SORCS3: variants seen among roughly 807,000 people sequenced by gnomAD.
The protein encoded by SORCS3 is VPS10 domain-containing receptor SorCS3.
SORCS3 carries 57 observed loss-of-function variants against 146.3 expected under a neutral mutation model. The observed-to-expected ratio is 0.39, with a 90% CI of 0.31 to 0.49. SORCS3 has a LOEUF of 0.49. SORCS3 is among the 20% of genes least tolerant of loss of function. The pLI is 0.92. For synonymous variants in SORCS3, 653 were observed against 618.5 expected, an observed-to-expected ratio of 1.06 and a Z score of -0.83; for missense variants, 1,341 against 1,575.5, an observed-to-expected ratio of 0.85 and a Z score of 2.52.
chr10:105,196,563 C>A (rs1047636156), intron 14 of SORCS3, among the ~76,000 whole-genome samples: 1 of 152,150 alleles, frequency 6.6e-6, no homozygotes, highest in East Asian at 1.9e-4. Flanking sequence ...CAAGATTGCA[C>A]CATTGCACTC....
chr10:104,800,346 G>C (rs1483654160), intron 1 of SORCS3, among the ~76,000 whole-genome samples: 12 of 152,188 alleles, frequency 7.9e-5, no homozygotes, highest in African/African-American at 2.9e-4. Flanking sequence ...GGAATGAATG[G>C]GCAGACCACA....
chr10:104,967,491 G>C (rs2054832420), intron 3 of SORCS3, among the ~76,000 whole-genome samples: 1 of 152,110 alleles, frequency 6.6e-6, no homozygotes, highest in African/African-American at 2.4e-5. Context: ...TTGTGTGACT[G>C]AAATTTTATA....
At chr10:105,171,414 CA>C (rs1458885974) in intron 13 of SORCS3, among the ~76,000 whole-genome samples, 3 of 152,190 alleles carry the variant, frequency 2.0e-5, no homozygotes, top group African/African-American at 7.2e-5. Context: ...TGAAAACTCA[CA>C]ATCGGCAGAG....
chr10:105,176,752 G>A (rs1006232113), intron 13 of SORCS3, among the ~76,000 whole-genome samples: 1 of 151,980 alleles, frequency 6.6e-6, no homozygotes, highest in Non-Finnish European at 1.5e-5. Flanking sequence ...CTACTCAGGA[G>A]GCTGAGGCAG....
At chr10:105,250,313 G>A (rs1350738925) in intron 22 of SORCS3, among the ~76,000 whole-genome samples, 5 of 152,156 alleles carry the variant, frequency 3.3e-5, no homozygotes, top group African/African-American at 1.2e-4. Flanking sequence ...CATAGCATAT[G>A]TCTTTGGTTG....
At chr10:104,834,968 CAG>C (rs1422969471) in intron 1 of SORCS3, among the ~76,000 whole-genome samples, 3 of 151,706 alleles carry the variant, frequency 2.0e-5, no homozygotes, top group African/African-American at 7.3e-5. Flanking sequence ...AAAAAAAAAA[CAG>C]AGAAAGGGGT....
At chr10:104,890,094 T>C (rs1378994608) in intron 2 of SORCS3, among the ~76,000 whole-genome samples, 1 of 152,176 alleles carries the variant, frequency 6.6e-6, no homozygotes, top group African/African-American at 2.4e-5. Context: ...TATTCTTATG[T>C]TTCTATCACT....
rs145749084 is a variant in SORCS3, at chr10:104,958,739, A to T, written c.796-18596A>T. Reference sequence around the variant, plus strand: ...TAATTTATAAATTACTGAGTAATTTATAAAGCAAAAATGTTTAACTGACTC... The same window carrying T: ...TAATTTATAAATTACTGAGTAATTTTTAAAGCAAAAATGTTTAACTGACTC... On this transcript the variant is annotated intron_variant, in intron 3 of 26. Coordinates refer to ENST00000369701, the MANE Select transcript of SORCS3 (RefSeq NM_014978.3). 7.2e-3 allele frequency among the ~76,000 whole-genome samples: 1,095 copies of T among 152,342 alleles called. 13 individuals carry two copies. Among genetic ancestry groups the T allele is most frequent in the African/African-American group, 0.025 (1,056 of 41,578 alleles).
chr10:105,072,161 C>G (rs73348223), intron 5 of SORCS3, among the ~76,000 whole-genome samples: 9,542 of 152,142 alleles, frequency 0.063, 329 homozygotes, highest in Middle Eastern at 0.088. Flanking sequence ...GAGAGTTTGG[C>G]ATGGGAGGTG....
chr10:104,751,949 ATATATATATATATAT>A (rs2016991306), intron 1 of SORCS3, among the ~76,000 whole-genome samples: 1 of 116,500 alleles, frequency 8.6e-6, no homozygotes, highest in African/African-American at 3.8e-5. Context: ...ATATATATAT[ATATATATATATATAT>A]ATATAATAGT....
chr10:105,220,697 C>T (rs922390224), intron 19 of SORCS3, among the ~76,000 whole-genome samples: 9 of 152,024 alleles, frequency 5.9e-5, no homozygotes, highest in Admixed American at 1.3e-4. Flanking sequence ...TTCATCTCCC[C>T]CCTTGGATGT....
intron 1 of SORCS3, among the ~76,000 whole-genome samples, chr10:104,829,028 A>G (rs530645147): frequency 1.8e-4 from 28 of 152,290 alleles, no homozygotes; most frequent in African/African-American, 6.7e-4. Flanking sequence ...CCTCTCATCC[A>G]CTGTGAGGAT....
chr10:105,242,705 T>TAC (rs2056839682), intron 20 of SORCS3, among the ~76,000 whole-genome samples: 2 of 100,638 alleles, frequency 2.0e-5, no homozygotes, highest in Non-Finnish European at 3.4e-5. Flanking sequence ...TACATTTATA[T>TAC]ATTTATATAT....
chr10:104,982,870 A>G lies in SORCS3; in HGVS notation c.954+5377A>G, dbSNP rs186191764. 1.5e-3 allele frequency among the ~76,000 whole-genome samples: 235 copies of G among 152,286 alleles called. 3 individuals are homozygous for G. Among genetic ancestry groups the G allele is most frequent in the Non-Finnish European group, 2.1e-3 (144 of 68,022 alleles). On this transcript the variant is annotated intron_variant, in intron 4 of 26. Transcript: ENST00000369701. ...GGTTTAATGTTAGCTATGAACTTGT[A>G]TTCAGTGAGAGAAGGGCAGTAAGGA...
intron 4 of SORCS3, among the ~76,000 whole-genome samples, chr10:105,033,188 A>G (rs960070440): frequency 1.3e-5 from 2 of 152,238 alleles, no homozygotes; most frequent in Non-Finnish European, 2.9e-5. Flanking sequence ...GGTGCTAGAT[A>G]AATTCAAGGT....
intron 2 of SORCS3, among the ~76,000 whole-genome samples, chr10:104,866,138 G>A (rs536871203): frequency 2.0e-5 from 3 of 152,290 alleles, no homozygotes; most frequent in East Asian, 1.9e-4. Context: ...GCGAAGTGAC[G>A]TTTGACTTAG....
chr10:105,091,573 C>T (rs539828470), intron 6 of SORCS3, among the ~76,000 whole-genome samples: 1 of 150,780 alleles, frequency 6.6e-6, no homozygotes, highest in Admixed American at 6.7e-5. Context: ...TCCCTTCCTC[C>T]TTCCTTACTT....
intron 3 of SORCS3, among the ~76,000 whole-genome samples, chr10:104,956,375 C>T (rs1180667289): frequency 6.6e-6 from 1 of 152,182 alleles, no homozygotes; most frequent in East Asian, 1.9e-4. Flanking sequence ...TTACTTCATA[C>T]ATCTCAGCTG....
chr10:105,161,564 G>A (rs949675711), intron 11 of SORCS3, among the ~76,000 whole-genome samples: 8 of 152,060 alleles, frequency 5.3e-5, no homozygotes, highest in Admixed American at 6.5e-5. Flanking sequence ...GGACATCTCC[G>A]AAGGCAGATG....
Sources: gnomAD v4.1 joint callset for allele counts (sites outside exome capture counted in the v4.1 genomes callset) on GRCh38, gnomAD v4.1.1 for gene constraint, MANE v1.5 for transcripts, NCBI Gene and HGNC (gene_info 2026-07-23, HGNC 2026-07-21) for gene names.